Variants in CNTN5 observed in about 807,000 individuals in gnomAD.
CNTN5 encodes the protein contactin 5, also known as contactin-5.
In CNTN5, 77 loss-of-function variants were observed where a neutral mutation model predicts 129.1. That is an observed-to-expected ratio of 0.60 (90% CI 0.50 to 0.72). The LOEUF (loss-of-function observed/expected upper bound fraction) is 0.72. Among genes scored for constraint, CNTN5 ranks in the 30% least tolerant of loss-of-function variants. The pLI is 0.00. For synonymous variants in CNTN5, 509 were observed against 465.6 expected, an observed-to-expected ratio of 1.09 and a Z score of -1.20; for missense variants, 1,478 against 1,328.8, an observed-to-expected ratio of 1.11 and a Z score of -1.75.
intron 2 of CNTN5, among the ~76,000 whole-genome samples, chr11:99,525,997 T>TTTTAA (rs71305320): frequency 0.26 from 39,652 of 151,898 alleles, 5,508 homozygotes; most frequent in Non-Finnish European, 0.32. Context: ...TACATTAATG[T>TTTTAA]TTTATCACTT....
intron 18 of CNTN5, among the ~76,000 whole-genome samples, chr11:100,284,694 A>G (rs1950726868): frequency 6.6e-6 from 1 of 152,234 alleles, no homozygotes; most frequent in Admixed American, 6.5e-5. Flanking sequence ...GAAAAGATAT[A>G]GTTAACTACG....
intron 3 of CNTN5, among the ~76,000 whole-genome samples, chr11:99,757,018 A>G (rs947327054): frequency 1.3e-5 from 2 of 151,868 alleles, no homozygotes; most frequent in East Asian, 3.9e-4. Flanking sequence ...ATATCACAAT[A>G]TGTGTAGTTT....
At chr11:99,563,667 A>G (rs1486084598) in intron 3 of CNTN5, among the ~76,000 whole-genome samples, 1 of 152,090 alleles carries the variant, frequency 6.6e-6, no homozygotes, top group African/African-American at 2.4e-5. Flanking sequence ...GACGCACTTG[A>G]TGGTGTTATT....
At chr11:100,323,487 G>T (rs1290879497) in intron 21 of CNTN5, among the ~76,000 whole-genome samples, 3 of 152,110 alleles carry the variant, frequency 2.0e-5, no homozygotes, top group African/African-American at 7.2e-5. Context: ...TCTAGCTTCT[G>T]TCTGCTTTTG....
intron 7 of CNTN5, 62 bp from the exon 8 acceptor site, chr11:99,956,744 G>A (rs1591478944): frequency 8.1e-7 from 1 of 1,239,812 alleles, no homozygotes; most frequent in East Asian, 2.3e-5. Flanking sequence ...TTTGTTGTTT[G>A]AGCTTTGTCT....
intron 3 of CNTN5, among the ~76,000 whole-genome samples, chr11:99,622,350 GAGA>G (rs1316602187): frequency 6.6e-6 from 1 of 152,100 alleles, no homozygotes; most frequent in African/African-American, 2.4e-5. Flanking sequence ...TATGACTAAA[GAGA>G]AGAAAGCTTT....
At chr11:99,557,225 T>C (rs993002963) in intron 3 of CNTN5, among the ~76,000 whole-genome samples, 1 of 151,306 alleles carries the variant, frequency 6.6e-6, no homozygotes, top group Admixed American at 6.6e-5. Context: ...TTCAGTACTC[T>C]ATGCAAATAT....
chr11:99,803,636 A>T (rs1190618464), intron 3 of CNTN5, among the ~76,000 whole-genome samples: 2 of 152,230 alleles, frequency 1.3e-5, no homozygotes, highest in African/African-American at 4.8e-5. Context: ...TGTTGCTCCT[A>T]GATCCTCTCC....
chr11:99,346,345 A>G (rs1436979140), intron 2 of CNTN5, among the ~76,000 whole-genome samples: 2 of 152,244 alleles, frequency 1.3e-5, no homozygotes, highest in Non-Finnish European at 2.9e-5. Flanking sequence ...AAAAGTGTCT[A>G]TATGGTATTG....
At chr11:99,487,085 A>G (rs1343508512) in intron 2 of CNTN5, among the ~76,000 whole-genome samples, 1 of 152,224 alleles carries the variant, frequency 6.6e-6, no homozygotes, top group African/African-American at 2.4e-5. Context: ...GTTGGCAGAG[A>G]GAAGGTCGAG....
Position 100,074,203 on chromosome 11 carries a change from C to A in CNTN5, c.1489C>A (p.Gln497Lys), listed in dbSNP as rs758099388. Residue 497 changes from glutamine (Q) to lysine (K), a missense_variant, in exon 13 of 25, where the codon CAA becomes AAA. Transcript: ENST00000524871. ...LKKTIIVTKDQEVVIECKPQG... is the reference protein window; with the variant it reads ...LKKTIIVTKDKEVVIECKPQG... ...GAAAACAATAATTGTTACCAAAGAC[C>A]AAGAAGTTGTCATAGAGTGCAAACC... 6.2e-7 allele frequency: 1 copy of A among 1,612,366 alleles called. No individual in the cohort carries two copies. The highest frequency in any genetic ancestry group is 1.7e-5 in the Admixed American group (1 of 59,838).
intron 1 of CNTN5, among the ~76,000 whole-genome samples, chr11:99,271,768 C>A (rs1347617558): frequency 6.6e-6 from 1 of 151,808 alleles, no homozygotes; most frequent in Non-Finnish European, 1.5e-5. Flanking sequence ...CCCTTAGTCG[C>A]TTGCCACATG....
At chr11:100,095,732 G>A (rs1010571142) in intron 13 of CNTN5, among the ~76,000 whole-genome samples, 2 of 152,108 alleles carry the variant, frequency 1.3e-5, no homozygotes, top group Non-Finnish European at 2.9e-5. Flanking sequence ...AGATCTACAT[G>A]TAAGGCTTAT....
chr11:100,081,725 A>G (rs968561647), intron 13 of CNTN5, among the ~76,000 whole-genome samples: 11 of 152,206 alleles, frequency 7.2e-5, no homozygotes, highest in African/African-American at 2.2e-4. Context: ...AAGAAGGACT[A>G]TATACCGTTT....
chr11:99,591,726 G>A (rs1949987251), intron 3 of CNTN5, among the ~76,000 whole-genome samples: 2 of 152,244 alleles, frequency 1.3e-5, no homozygotes, highest in Admixed American at 6.5e-5. Flanking sequence ...GTGGAGTAAA[G>A]AGAGGCTGGG....
At chr11:100,322,366 G>T (rs1490646785) in intron 21 of CNTN5, among the ~76,000 whole-genome samples, 1 of 151,866 alleles carries the variant, frequency 6.6e-6, no homozygotes, top group Non-Finnish European at 1.5e-5. Context: ...GGGACTACAG[G>T]CGCCCGCCAC....
At chr11:99,136,014 G>A (rs7109888) in intron 1 of CNTN5, among the ~76,000 whole-genome samples, 138,198 of 152,030 alleles carry the variant, frequency 0.91, 63,066 homozygotes, top group East Asian at 0.99. Context: ...AAAGTTTACA[G>A]CATACTGACA....
chr11:99,383,203 G>C (rs576794685), intron 2 of CNTN5, among the ~76,000 whole-genome samples: 1 of 152,028 alleles, frequency 6.6e-6, no homozygotes, highest in African/African-American at 2.4e-5. Flanking sequence ...AAATGAAGTG[G>C]CTATCATTTT....
At chr11:99,647,487 G>T (rs190794626) in intron 3 of CNTN5, among the ~76,000 whole-genome samples, 285 of 151,708 alleles carry the variant, frequency 1.9e-3, no homozygotes, top group Non-Finnish European at 3.4e-3. Context: ...TTTCAGTCTT[G>T]TTCTTTTTGC....
Sources: gnomAD v4.1 joint callset for allele counts (sites outside exome capture counted in the v4.1 genomes callset) on GRCh38, gnomAD v4.1.1 for gene constraint, MANE v1.5 for transcripts, NCBI Gene and HGNC (gene_info 2026-07-23, HGNC 2026-07-21) for gene names.